COL9A3: variants seen among roughly 807,000 people sequenced by gnomAD.
The protein encoded by COL9A3 is collagen type IX alpha 3 chain, also known as collagen alpha-3(IX) chain.
COL9A3 carries 82 observed loss-of-function variants against 110.2 expected under a neutral mutation model. The observed-to-expected ratio is 0.74, with a 90% CI of 0.62 to 0.89. The LOEUF is 0.89. Among genes scored for constraint, COL9A3 ranks in the 40% least tolerant of loss-of-function variants. The pLI is 0.00. For synonymous variants in COL9A3, 494 were observed against 403.8 expected (o/e 1.22, Z -2.68); for missense variants, 1,066 against 981.3 (o/e 1.09, Z -1.15).
At chr20:62,831,755 C>T (rs1357141244) in intron 24 of COL9A3, 3 of 280,158 alleles carry the variant, frequency 1.1e-5, no homozygotes, top group African/African-American at 6.6e-5. Context: ...AGCAAATGGA[C>T]ATTTTTTAAA....
chr20:62,834,903 T>C (rs1317553101), intron 26 of COL9A3, among the ~76,000 whole-genome samples: 3 of 152,212 alleles, frequency 2.0e-5, no homozygotes, highest in Admixed American at 1.3e-4. Flanking sequence ...CCTCCCAAAG[T>C]GCTGGGATTA....
intron 17 of COL9A3, 70 bp from the exon 18 acceptor site, chr20:62,828,694 C>G (rs1765588205): frequency 6.4e-7 from 1 of 1,554,034 alleles, no homozygotes; most frequent in Non-Finnish European, 8.9e-7. Flanking sequence ...GAGGCTGCCC[C>G]CAGGGCAGGA....
chr20:62,830,382 C>T lies in COL9A3; in HGVS notation c.1184C>T (p.Pro395Leu), dbSNP rs760032112. 1.3e-6 allele frequency: 2 copies of T among 1,573,434 alleles called. No individual in the cohort carries two copies. Among genetic ancestry groups the T allele is most frequent in the Non-Finnish European group, 1.7e-6 (2 of 1,159,178 alleles). The stretch of plus-strand genomic sequence containing the variant: ...CAGGGGGCCCTCGGCCCACAAGGCC[C>T]TCCCGGAGCCCCTGGTGTCCGAGGC... ...GSAGALGPQGPPGAPGVRGFQ... is the reference protein window; with the variant it reads ...GSAGALGPQGLPGAPGVRGFQ... Residue 395 changes from proline (P) to leucine (L), a missense_variant, in exon 23 of 32, where the codon CCT becomes CTT. Pro to Leu is a moderately conservative substitution (Grantham distance 98). Transcript: ENST00000649368.
intron 15 of COL9A3, 116 bp downstream of exon 15, chr20:62,826,936 C>A: frequency 8.8e-7 from 1 of 1,134,336 alleles, no homozygotes; most frequent in Non-Finnish European, 1.3e-6. Context: ...CTGAGCTGTT[C>A]CCTGGACACC....
chr20:62,829,778 A>ATG lies in COL9A3; in HGVS notation c.1121_1122dup (p.Pro375CysfsTer159). 6.3e-7 allele frequency: 1 copy of ATG among 1,590,250 alleles called. No homozygotes were observed. The highest frequency in any genetic ancestry group is 8.6e-7 in the Non-Finnish European group (1 of 1,168,790). On this transcript the variant is annotated frameshift_variant, in exon 22 of 32. Coordinates refer to ENST00000649368, the MANE Select transcript of COL9A3 (RefSeq NM_001853.4). LOFTEE classifies it high-confidence loss of function. ...CCTTTCCCTGTAGGGAGATGCTGGCATGCCTGGGGAGCGCGGTGAGGCTGG... is the reference window on the plus strand; with the variant it reads ...CCTTTCCCTGTAGGGAGATGCTGGCATGTGCCTGGGGAGCGCGGTGAGGCTGG...
chr20:62,819,103 A>G, intron 3 of COL9A3, 119 bp from the exon 4 acceptor site: 1 of 987,168 alleles, frequency 1.0e-6, no homozygotes, highest in Non-Finnish European at 1.6e-6. Flanking sequence ...GACCCAGGAG[A>G]GGGGCCCATC....
At chr20:62,822,469 G>A in intron 9 of COL9A3, 122 bp from the exon 10 acceptor site, 2 of 1,057,274 alleles carry the variant, frequency 1.9e-6, no homozygotes, top group Admixed American at 3.5e-5. Flanking sequence ...CAGGATGAAG[G>A]GTCTCCAAGT....
At chr20:62,824,575 T>G (rs2063535825) in intron 11 of COL9A3, 74 bp downstream of exon 11, 1 of 1,457,586 alleles carries the variant, frequency 6.9e-7, no homozygotes, top group Admixed American at 2.0e-5. Flanking sequence ...CATGGGGCTG[T>G]GGAGGTGGCG....
At chr20:62,826,692 C>T (rs1369491807) in intron 14 of COL9A3, 75 bp from the exon 15 acceptor site, 2 of 1,542,224 alleles carry the variant, frequency 1.3e-6, no homozygotes, top group African/African-American at 1.4e-5. Context: ...GTCTGGGCCG[C>T]CCCTGAGGGA....
At chr20:62,819,157 T>G (rs922572136) in intron 3 of COL9A3, 65 bp from the exon 4 acceptor site, 1 of 1,510,130 alleles carries the variant, frequency 6.6e-7, no homozygotes, top group Non-Finnish European at 9.2e-7. Flanking sequence ...TTTTGCTTCA[T>G]TGCTGAAGGC....
chr20:62,836,483 G>A lies in COL9A3; in HGVS notation c.1554G>A (p.Lys518=). The A allele has an allele frequency of 6.2e-7, 1 of 1,613,666 alleles. No homozygotes were observed. Among genetic ancestry groups the A allele is most frequent in the Non-Finnish European group, 8.5e-7 (1 of 1,179,802 alleles). Residue 518 remains lysine (K), a synonymous_variant, in exon 29 of 32, where the codon AAG becomes AAA. Transcript: ENST00000649368. ...GITGKPGVPG[K]EASEQRIREL... ...ATGTGTGGGGTGAATTCCAGGGGAA[G>A]GAGGCCAGCGAGCAGCGCATCAGGG...
At chr20:62,837,833 A>G (rs145832557) in intron 30 of COL9A3, among the ~76,000 whole-genome samples, 3 of 151,468 alleles carry the variant, frequency 2.0e-5, no homozygotes, top group African/African-American at 7.3e-5. Context: ...AATGTGAGGA[A>G]TGGCCGGGTG....
intron 3 of COL9A3, 127 bp from the exon 4 acceptor site, chr20:62,819,094 AC>A (rs1991031746): frequency 2.2e-6 from 2 of 923,434 alleles, no homozygotes; most frequent in East Asian, 5.2e-5. Flanking sequence ...AGTAGGGGGG[AC>A]CCAGGAGAGG....
In COL9A3 at chr20:62,819,356, G is replaced by A. The variant is rs373876810; in HGVS notation, c.255+63G>A. On this transcript the variant is annotated intron_variant, in intron 4 of 31. Coordinates refer to ENST00000649368, the MANE Select transcript of COL9A3 (RefSeq NM_001853.4). The stretch of plus-strand genomic sequence containing the variant: ...CCGCTCCGGGTCCCTGGAGGAGTCC[G>A]GCCCTAATTGCTGTTGTCCAGCTGG... 7.4e-5 allele frequency: 109 copies of A among 1,475,068 alleles called. No individual in the cohort carries two copies. In the African/African-American group the frequency reaches 1.2e-3, roughly 16 times the overall value. The allele number at this position is 1,475,068 out of a possible 1,614,324, so 91.4% of individuals were successfully genotyped here.
intron 1 of COL9A3, 67 bp from the exon 2 acceptor site, chr20:62,817,500 G>A: frequency 8.6e-7 from 1 of 1,163,844 alleles, no homozygotes. Flanking sequence ...CGGGACCCGG[G>A]AGGAGGGGAC....
chr20:62,829,310 C>T (rs973985967), intron 19 of COL9A3, 145 bp from the exon 20 acceptor site: 6 of 1,120,126 alleles, frequency 5.4e-6, no homozygotes, highest in Non-Finnish European at 7.7e-6. Flanking sequence ...AGCCGCACCT[C>T]AGGTCCACAA....
At chr20:62,816,999 C>T, upstream of COL9A3, 1 of 967,556 alleles carries the variant, frequency 1.0e-6, no homozygotes, top group Non-Finnish European at 1.3e-6. Flanking sequence ...AAGGGGCCGC[C>T]CACCTCCCGC....
chr20:62,828,839 T>G (rs751853188), intron 18 of COL9A3, 22 bp downstream of exon 18: 1 of 1,612,602 alleles, frequency 6.2e-7, no homozygotes. Context: ...GCTCAGGGTG[T>G]GACGGGAGGG....
intron 26 of COL9A3, among the ~76,000 whole-genome samples, chr20:62,833,297 T>A (rs539973628): frequency 6.6e-6 from 1 of 152,370 alleles, no homozygotes; most frequent in East Asian, 1.9e-4. Context: ...GAGTCTGACC[T>A]GACCCGGTGC....
Sources: allele counts gnomAD v4.1 joint callset (sites outside exome capture counted in the v4.1 genomes callset), GRCh38; gene constraint gnomAD v4.1.1; transcripts MANE v1.5; gene names NCBI Gene and HGNC (gene_info 2026-07-23, HGNC 2026-07-21).